Variants in CPO observed in about 807,000 individuals in gnomAD.
CPO encodes metallocarboxypeptidase C.
In CPO, 43 loss-of-function variants were observed where a neutral mutation model predicts 41.2. The ratio of observed to expected loss-of-function variants is 1.04; its 90% CI spans 0.82 to 1.35. CPO has a LOEUF of 1.35. CPO is among the 40% of genes most tolerant of loss of function. CPO has a pLI of 0.00. For synonymous variants in CPO, 178 were observed against 162.7 expected, an observed-to-expected ratio of 1.09 and a Z score of -0.72; for missense variants, 408 against 451.7, an observed-to-expected ratio of 0.90 and a Z score of 0.88.
In CPO at chr2:206,969,441, A is replaced by C. The variant is rs1693645844; in HGVS notation, c.*5A>C. 5.0e-6 allele frequency: 8 copies of C among 1,613,780 alleles called. No individual in the cohort carries two copies. Among genetic ancestry groups the C allele is most frequent in the Non-Finnish European group, 6.8e-6 (8 of 1,179,872 alleles). On this transcript the variant is annotated 3_prime_UTR_variant, in exon 9 of 9. Coordinates refer to ENST00000272852, the MANE Select transcript of CPO (RefSeq NM_173077.3). ...TCCTGCATGTCTCTTCTCTAAGTGC[A>C]TTCTGCCCAGGCCTGCTCAACCCCA...
chr2:206,950,995 G>A (rs1273397525), intron 2 of CPO, among the ~76,000 whole-genome samples: 1 of 151,864 alleles, frequency 6.6e-6, no homozygotes, highest in Non-Finnish European at 1.5e-5. Flanking sequence ...CAAGTTGATG[G>A]GTGAAGCAAA....
intron 1 of CPO, among the ~76,000 whole-genome samples, chr2:206,943,728 T>TGATAGATAGATA (rs68125401): frequency 5.9e-4 from 73 of 123,694 alleles, no homozygotes; most frequent in East Asian, 1.4e-3. Flanking sequence ...GATGGATAGA[T>TGATAGATAGATA]GATAGATAGA....
chr2:206,953,373 T>C (rs918416378), intron 2 of CPO, among the ~76,000 whole-genome samples: 6 of 152,004 alleles, frequency 3.9e-5, no homozygotes, highest in Non-Finnish European at 8.8e-5. Context: ...GCAAAAAAAA[T>C]GGCTAAAACA....
At chr2:206,958,663 T>C (rs1254883319) in intron 4 of CPO, among the ~76,000 whole-genome samples, 3 of 151,590 alleles carry the variant, frequency 2.0e-5, no homozygotes, top group Admixed American at 2.0e-4. Context: ...CATATGTCTA[T>C]GGAGTCAGAG....
intron 1 of CPO, among the ~76,000 whole-genome samples, chr2:206,945,764 T>G (rs890613092): frequency 4.6e-5 from 7 of 152,030 alleles, no homozygotes; most frequent in African/African-American, 1.7e-4. Context: ...CCCATATCTA[T>G]TAAAAATTGA....
intron 1 of CPO, among the ~76,000 whole-genome samples, chr2:206,943,762 A>ATAGT (rs1388456422): frequency 6.8e-6 from 1 of 147,586 alleles, no homozygotes; most frequent in Non-Finnish European, 1.5e-5. Flanking sequence ...AGATAGATAG[A>ATAGT]TAGATAGATA....
chr2:206,964,147 G>A (rs552855294), intron 7 of CPO, among the ~76,000 whole-genome samples: 13 of 152,170 alleles, frequency 8.5e-5, no homozygotes, highest in Admixed American at 3.3e-4. Context: ...ATCTCCCTCC[G>A]GAGCACGACC....
At chr2:206,962,740 C>A in intron 7 of CPO, 126 bp downstream of exon 7, 1 of 715,108 alleles carries the variant, frequency 1.4e-6, no homozygotes, top group South Asian at 1.8e-5. Context: ...TCCCTATATT[C>A]TTTTTCCTGC....
chr2:206,965,961 T>C (rs1261954460), intron 7 of CPO, among the ~76,000 whole-genome samples: 2 of 152,118 alleles, frequency 1.3e-5, no homozygotes, highest in Non-Finnish European at 2.9e-5. Context: ...GGATTTCCAT[T>C]TTATCTTCTC....
intron 1 of CPO, among the ~76,000 whole-genome samples, chr2:206,945,162 A>G (rs68128257): frequency 0.2 from 31,171 of 152,074 alleles, 3,599 homozygotes; most frequent in Non-Finnish European, 0.26. Context: ...AAAGAAATGA[A>G]GACTTAGAGA....
At chr2:206,953,675 AG>A (rs1168676036) in intron 2 of CPO, among the ~76,000 whole-genome samples, 1 of 152,202 alleles carries the variant, frequency 6.6e-6, no homozygotes, top group African/African-American at 2.4e-5. Flanking sequence ...CTCTTCTCAC[AG>A]CTCTACTAGG....
At chr2:206,954,965 A>C (rs1693330868) in intron 2 of CPO, among the ~76,000 whole-genome samples, 1 of 152,196 alleles carries the variant, frequency 6.6e-6, no homozygotes, top group Admixed American at 6.5e-5. Context: ...TACCTCCCAC[A>C]GAGTCCCTCC....
intron 6 of CPO, among the ~76,000 whole-genome samples, chr2:206,961,752 G>C (rs1363322099): frequency 6.6e-6 from 1 of 152,018 alleles, no homozygotes; most frequent in Non-Finnish European, 1.5e-5. Context: ...AGGAACCCAA[G>C]AACTGCTTTC....
intron 7 of CPO, 55 bp from the exon 8 acceptor site, chr2:206,968,208 A>T (rs1007816814): frequency 1.7e-6 from 2 of 1,190,564 alleles, no homozygotes; most frequent in African/African-American, 1.5e-5. Context: ...AAATGGTTGG[A>T]TTGTTGGATT....
chr2:206,946,226 C>A (rs1693142793), intron 1 of CPO, among the ~76,000 whole-genome samples: 1 of 151,914 alleles, frequency 6.6e-6, no homozygotes, highest in African/African-American at 2.4e-5. Flanking sequence ...ATAGAAAAAT[C>A]TTCAATGAAA....
intron 5 of CPO, 52 bp from the exon 6 acceptor site, chr2:206,960,800 T>C: frequency 7.8e-7 from 1 of 1,280,660 alleles, no homozygotes; most frequent in Admixed American, 1.7e-5. Context: ...TCACTAACAC[T>C]GTGATTTATG....
At chr2:206,946,143 G>C (rs1478335685) in intron 1 of CPO, among the ~76,000 whole-genome samples, 1 of 151,836 alleles carries the variant, frequency 6.6e-6, no homozygotes, top group Admixed American at 6.6e-5. Flanking sequence ...TATGAGATCA[G>C]TATTATCTTA....
Position 206,947,442 on chromosome 2 carries a change from A to G in CPO, c.69-2175A>G, listed in dbSNP as rs140525339. 1.1e-3 allele frequency among the ~76,000 whole-genome samples: 165 copies of G among 152,318 alleles called. 1 individual carries two copies. Among genetic ancestry groups the G allele is most frequent in the African/African-American group, 3.8e-3 (156 of 41,586 alleles). The stretch of plus-strand genomic sequence containing the variant: ...ACCTGAATAGAAAATGCAAAACTAT[A>G]AAACTCTAGAAGATAGCATAAGAGA... On this transcript the variant is annotated intron_variant, in intron 1 of 8. Transcript: ENST00000272852.
chr2:206,961,526 T>C (rs1272885747), intron 6 of CPO, among the ~76,000 whole-genome samples: 1 of 152,150 alleles, frequency 6.6e-6, no homozygotes, highest in African/African-American at 2.4e-5. Flanking sequence ...TAGCCCTACC[T>C]TATCAGTAGG....
Sources: gnomAD v4.1 joint callset for allele counts (sites outside exome capture counted in the v4.1 genomes callset) on GRCh38, gnomAD v4.1.1 for gene constraint, MANE v1.5 for transcripts, NCBI Gene and HGNC (gene_info 2026-07-23, HGNC 2026-07-21) for gene names.